The following FGF14 variants were observed in gnomAD, a reference collection of about 807,000 sequenced individuals.
The protein encoded by FGF14 is fibroblast growth factor 14.
In FGF14, 5 loss-of-function variants were observed where a neutral mutation model predicts 25.5. That is an observed-to-expected ratio of 0.20 (90% confidence interval 0.10 to 0.41). The LOEUF is 0.41. Ranked by LOEUF, FGF14 falls within the 10% of genes least tolerant of loss-of-function variation. FGF14 has a pLI of 1.00. For synonymous variants in FGF14, 138 were observed against 118.3 expected, an observed-to-expected ratio of 1.17 and a Z score of -1.08; for missense variants, 222 against 320.1, an observed-to-expected ratio of 0.69 and a Z score of 2.34.
chr13:101,818,994 T>C (rs2041980634), intron 3 of FGF14, among the ~76,000 whole-genome samples: 3 of 152,202 alleles, frequency 2.0e-5, no homozygotes, highest in Admixed American at 2.0e-4. Context: ...GGTTACAATC[T>C]GGGTCCTCTT....
At chr13:102,305,204 GCTTT>G (rs2055306831) in intron 1 of FGF14, among the ~76,000 whole-genome samples, 1 of 151,982 alleles carries the variant, frequency 6.6e-6, no homozygotes, top group Non-Finnish European at 1.5e-5. Flanking sequence ...TTTATGAAAA[GCTTT>G]TAGCTGACTT....
At chr13:102,333,652 CA>C (rs1301644619) in intron 1 of FGF14, among the ~76,000 whole-genome samples, 3 of 152,124 alleles carry the variant, frequency 2.0e-5, no homozygotes, top group Admixed American at 2.0e-4. Flanking sequence ...AGCTGTCAAC[CA>C]ATTACCAAAA....
At chr13:102,188,240 G>A (rs150976041) in intron 1 of FGF14, among the ~76,000 whole-genome samples, 196 of 152,240 alleles carry the variant, frequency 1.3e-3, no homozygotes, top group African/African-American at 4.6e-3. Context: ...TGGGTTAAAA[G>A]ACTAGAACAC....
chr13:101,892,352 A>C (rs539999943), intron 1 of FGF14, among the ~76,000 whole-genome samples: 2 of 152,282 alleles, frequency 1.3e-5, no homozygotes, highest in South Asian at 4.1e-4. Flanking sequence ...CCTCATCCTT[A>C]TTGTTTACCA....
intron 1 of FGF14, among the ~76,000 whole-genome samples, chr13:102,004,859 T>C (rs1195856310): frequency 6.6e-6 from 1 of 152,208 alleles, no homozygotes; most frequent in Non-Finnish European, 1.5e-5. Flanking sequence ...TTGGCACTTC[T>C]TCCTTCCACC....
At chr13:102,366,352 C>T (rs1383811100) in intron 1 of FGF14, 3 of 152,038 alleles carry the variant, frequency 2.0e-5, no homozygotes, top group Admixed American at 6.5e-5. Flanking sequence ...CGTACCAGTA[C>T]CAGTGGTCAA....
At chr13:102,039,433 A>G (rs1366325070) in intron 1 of FGF14, among the ~76,000 whole-genome samples, 1 of 152,128 alleles carries the variant, frequency 6.6e-6, no homozygotes, top group Non-Finnish European at 1.5e-5. Flanking sequence ...TCTGGGCGGT[A>G]GAAGCCAAAA....
At chr13:102,231,126 A>G (rs2051066845) in intron 1 of FGF14, among the ~76,000 whole-genome samples, 1 of 152,226 alleles carries the variant, frequency 6.6e-6, no homozygotes, top group South Asian at 2.1e-4. Context: ...GCCACTAAAA[A>G]TATTTGTCTC....
chr13:102,107,446 A>C (rs1326295687), intron 1 of FGF14, among the ~76,000 whole-genome samples: 1 of 152,202 alleles, frequency 6.6e-6, no homozygotes, highest in Non-Finnish European at 1.5e-5. Flanking sequence ...ATAGTGAGTA[A>C]AATTTGATTC....
intron 1 of FGF14, among the ~76,000 whole-genome samples, chr13:101,979,069 G>T (rs531762069): frequency 1.3e-5 from 2 of 152,286 alleles, no homozygotes; most frequent in East Asian, 3.9e-4. Context: ...TGCAAGTCCT[G>T]CAAGGAGGGG....
chr13:102,282,577 C>G (rs890672881), intron 1 of FGF14, among the ~76,000 whole-genome samples: 1 of 152,180 alleles, frequency 6.6e-6, no homozygotes, highest in Admixed American at 6.5e-5. Context: ...CCACACCTAC[C>G]TTCAACATTT....
intron 1 of FGF14, among the ~76,000 whole-genome samples, chr13:102,326,689 G>A (rs1460685431): frequency 1.6e-4 from 8 of 49,050 alleles, no homozygotes; most frequent in African/African-American, 6.3e-4. Context: ...GGAAGGGAAG[G>A]GAAGGGAAGG....
At chr13:102,309,781 C>T (rs2055632172) in intron 1 of FGF14, among the ~76,000 whole-genome samples, 1 of 152,282 alleles carries the variant, frequency 6.6e-6, no homozygotes, top group East Asian at 1.9e-4. Flanking sequence ...CTTCTTAGAG[C>T]ACATATCCTG....
At chr13:102,204,654 C>G (rs546127482) in intron 1 of FGF14, among the ~76,000 whole-genome samples, 1 of 152,090 alleles carries the variant, frequency 6.6e-6, no homozygotes, top group African/African-American at 2.4e-5. Context: ...TCAAGCAATT[C>G]TCCTGCCTCA....
chr13:101,945,488 C>A (rs1037732563), intron 1 of FGF14, among the ~76,000 whole-genome samples: 1 of 152,200 alleles, frequency 6.6e-6, no homozygotes, highest in African/African-American at 2.4e-5. Flanking sequence ...ACAATTGCTG[C>A]TGGAGTTGGG....
At chr13:101,876,726 T>C (rs1043228235) in intron 1 of FGF14, among the ~76,000 whole-genome samples, 7 of 152,160 alleles carry the variant, frequency 4.6e-5, no homozygotes, top group African/African-American at 1.4e-4. Flanking sequence ...GATTATTGCA[T>C]TGCGTTACAT....
Position 102,302,189 on chromosome 13 carries a change from G to C in FGF14, c.208+99282C>G, listed in dbSNP as rs531878141. On this transcript the variant is annotated intron_variant, in intron 1 of 4. Transcript: ENST00000376131. The stretch of plus-strand genomic sequence containing the variant: ...AATACTATATCTAGCATATTGAATT[G>C]TTTTCTGCAGAGCATTGAATGGAGT... 9.2e-5 allele frequency among the ~76,000 whole-genome samples: 14 copies of C among 152,266 alleles called. No individual in the cohort carries two copies. In the South Asian group the frequency reaches 2.7e-3, roughly 29 times the overall value.
intron 3 of FGF14, among the ~76,000 whole-genome samples, chr13:101,844,160 A>G (rs773359173): frequency 4.6e-5 from 7 of 152,072 alleles, no homozygotes; most frequent in Non-Finnish European, 8.8e-5. Context: ...AGCCTCTAAA[A>G]TGCAACAGTC....
chr13:102,053,861 T>C (rs941069000), intron 1 of FGF14, among the ~76,000 whole-genome samples: 13 of 152,170 alleles, frequency 8.5e-5, no homozygotes, highest in African/African-American at 2.9e-4. Context: ...CTGTTTCTTT[T>C]GTTTTTACTG....
Sources: allele counts gnomAD v4.1 joint callset (sites outside exome capture counted in the v4.1 genomes callset), GRCh38; gene constraint gnomAD v4.1.1; transcripts MANE v1.5; gene names NCBI Gene and HGNC (gene_info 2026-07-23, HGNC 2026-07-21).